Variants in C4BPA observed in about 807,000 individuals in gnomAD.
C4BPA encodes the protein complement component 4 binding protein alpha, also known as C4b-binding protein alpha chain.
Under a neutral mutation model 63.7 loss-of-function variants are expected in C4BPA, and 31 were observed. That is an observed-to-expected ratio of 0.49 (90% confidence interval 0.37 to 0.66). C4BPA has a LOEUF of 0.66. C4BPA is among the 30% of genes least tolerant of loss of function. The pLI is 0.00. For missense variants in C4BPA, 572 were observed against 723.3 expected, an observed-to-expected ratio of 0.79 and a Z score of 2.40; for synonymous variants, 259 against 254.7, an observed-to-expected ratio of 1.02 and a Z score of -0.16.
At chr1:207,139,912 G>A (rs1319957542) in intron 9 of C4BPA, among the ~76,000 whole-genome samples, 2 of 152,006 alleles carry the variant, frequency 1.3e-5, no homozygotes, top group South Asian at 2.1e-4. Context: ...CTTTTTATTG[G>A]GCCAAATGCT....
Position 207,141,206 on chromosome 1 carries a change from C to T in C4BPA, c.1374C>T (p.Tyr458=), listed in dbSNP as rs1685407375. 3 of 1,613,652 alleles carry T rather than the reference C, an allele frequency of 1.9e-6. No individual in the cohort carries two copies. The highest frequency in any genetic ancestry group is 2.5e-6 in the Non-Finnish European group (3 of 1,179,784). Residue 458 remains tyrosine, a synonymous_variant, in exon 10 of 12, where the codon TAC becomes TAT. Coordinates refer to ENST00000367070, the MANE Select transcript of C4BPA (RefSeq NM_000715.4). ...EEIIYECDKG[Y]ILVGQAKLSC... ...TTATATATGAATGTGATAAAGGCTA[C>T]ATTCTGGTCGGACAGGCGAAACTCT...
Position 207,144,789 on chromosome 1 carries a change from C to T in C4BPA, c.*72C>T. The stretch of plus-strand genomic sequence containing the variant: ...TGCAATTCAATACAGATCAGTTTAG[C>T]AAATCTACTGTCAATTTGGCAGTGA... On this transcript the variant is annotated 3_prime_UTR_variant, in exon 12 of 12. Transcript: ENST00000367070. The T allele has an allele frequency of 2.2e-6, 2 of 927,664 alleles. No individual in the cohort carries two copies. The highest frequency in any genetic ancestry group is 3.1e-6 in the Non-Finnish European group (2 of 653,460). 57.5% of individuals were successfully genotyped at this position (927,664 alleles called of 1,614,324 possible).
At chr1:207,144,277 T>A (rs1685483552) in intron 11 of C4BPA, among the ~76,000 whole-genome samples, 1 of 152,166 alleles carries the variant, frequency 6.6e-6, no homozygotes, top group African/African-American at 2.4e-5. Flanking sequence ...CTAAGCTATA[T>A]AATATATTGT....
chr1:207,132,076 C>T (rs1258843465), intron 8 of C4BPA, among the ~76,000 whole-genome samples: 1 of 152,178 alleles, frequency 6.6e-6, no homozygotes, highest in Non-Finnish European at 1.5e-5. Flanking sequence ...CTTCATAGCC[C>T]TTACCTCCCC....
At chr1:207,134,181 G>A (rs913312916) in intron 8 of C4BPA, among the ~76,000 whole-genome samples, 1 of 152,054 alleles carries the variant, frequency 6.6e-6, no homozygotes, top group Non-Finnish European at 1.5e-5. Context: ...TTTCATTTTG[G>A]AGGCTCCTAA....
chr1:207,123,961 C>T lies in C4BPA; in HGVS notation c.468C>T (p.Val156=). The T allele has an allele frequency of 6.2e-7, 1 of 1,611,916 alleles. No homozygotes were observed. The highest frequency in any genetic ancestry group is 1.1e-5 in the South Asian group (1 of 90,784). Residue 156 remains valine, a synonymous_variant, in exon 5 of 12, where the codon GTC becomes GTT. Coordinates refer to ENST00000367070, the MANE Select transcript of C4BPA (RefSeq NM_000715.4). ...GCTCAACCACTAGTCGTTGTGAAGT[C>T]CAAGATAGAGGAGTTGGCTGGAGTC... ...LIGSTTSRCE[V]QDRGVGWSHP... is the part of the protein sequence containing the mutation.
At position 207,114,184 on chromosome 1, in the gene C4BPA, C is replaced by T. The variant is rs778061020; in HGVS notation, c.227C>T (p.Thr76Ile). The T allele has an allele frequency of 2.5e-6, 4 of 1,613,652 alleles. No individual in the cohort carries two copies. In the South Asian group the frequency reaches 3.3e-5, roughly 13 times the overall value. Residue 76 changes from threonine (T) to isoleucine (I), a missense_variant, in exon 3 of 12, where the codon ACT becomes ATT. Thr to Ile is a moderately conservative substitution (Grantham distance 89). Around this residue, in one of 2 missense-constraint regions of C4BPA, gnomAD observed 107 missense variants for 93.9 expected, o/e 1.14. Transcript: ENST00000367070. ...GAGACACGCTTCAAAACTGGAACTA[C>T]TCTGAAATACACCTGCCTCCCTGGC... ...LTETRFKTGT[T>I]LKYTCLPGYV...
At chr1:207,133,606 A>C (rs1685212053) in intron 8 of C4BPA, among the ~76,000 whole-genome samples, 1 of 152,094 alleles carries the variant, frequency 6.6e-6, no homozygotes. Flanking sequence ...CTACCAAAAA[A>C]TTAAAAACTT....
chr1:207,140,921 A>G (rs1239987687), intron 9 of C4BPA, among the ~76,000 whole-genome samples, 185 bp from the exon 10 acceptor site: 1 of 152,192 alleles, frequency 6.6e-6, no homozygotes, highest in Non-Finnish European at 1.5e-5. Flanking sequence ...GAGCCTTTCT[A>G]TGGTTGCCCA....
rs185502949 is a variant in C4BPA, at chr1:207,108,401, C to T, written c.-26+3971C>T. 1.6e-3 allele frequency among the ~76,000 whole-genome samples: 251 copies of T among 152,254 alleles called. 2 individuals carry two copies. The highest frequency in any genetic ancestry group is 0.011 in the Admixed American group (165 of 15,298). On this transcript the variant is annotated intron_variant, in intron 1 of 11. Transcript: ENST00000367070. Reference sequence around the variant, plus strand: ...CAGAGCAATCTCTAAAATCCAGGAACGACTCCTTTGTTAGAAAAAACATTT... The same window carrying T: ...CAGAGCAATCTCTAAAATCCAGGAATGACTCCTTTGTTAGAAAAAACATTT...
chr1:207,134,295 A>G, intron 8 of C4BPA, 109 bp from the exon 9 acceptor site: 1 of 797,820 alleles, frequency 1.3e-6, no homozygotes, highest in South Asian at 1.7e-5. Context: ...CTGTTTCCCC[A>G]ATCTCTCTTC....
At chr1:207,110,516 A>G (rs1314686515) in intron 1 of C4BPA, among the ~76,000 whole-genome samples, 2 of 152,160 alleles carry the variant, frequency 1.3e-5, no homozygotes, top group African/African-American at 4.8e-5. Flanking sequence ...GAGGCCAGGC[A>G]TGGTGGCTTA....
chr1:207,133,719 T>C (rs1685215663), intron 8 of C4BPA, among the ~76,000 whole-genome samples: 1 of 152,220 alleles, frequency 6.6e-6, no homozygotes, highest in African/African-American at 2.4e-5. Flanking sequence ...GCCATAATTG[T>C]GCCCTGTACT....
At chr1:207,115,054 T>C (rs940946534) in intron 3 of C4BPA, among the ~76,000 whole-genome samples, 1 of 152,208 alleles carries the variant, frequency 6.6e-6, no homozygotes, top group Non-Finnish European at 1.5e-5. Context: ...ATCAATACTT[T>C]CTCTTTTTTG....
intron 1 of C4BPA, 132 bp from the exon 2 acceptor site, chr1:207,112,869 A>C (rs2102330598): frequency 1.3e-6 from 1 of 741,478 alleles, no homozygotes; most frequent in East Asian, 2.9e-5. Context: ...ATTTGTGCTC[A>C]GGGGTTTTTT....
Position 207,117,295 on chromosome 1 carries a change from A to T in C4BPA, c.428+1780A>T, listed in dbSNP as rs1344887315. ...GGAGACCTTGTCTCTACAAGAAATT[A>T]AAAACATTAGCCGAGTGTGGTAGCA... On this transcript the variant is annotated intron_variant, in intron 4 of 11. Transcript: ENST00000367070. Among the ~76,000 whole-genome samples the T allele has an allele frequency of 7.2e-5, 11 of 152,216 alleles. No homozygotes were observed. In the East Asian group the frequency reaches 7.7e-4, roughly 11 times the overall value.
At chr1:207,124,687 G>A (rs530927602) in intron 6 of C4BPA, among the ~76,000 whole-genome samples, 17 of 152,288 alleles carry the variant, frequency 1.1e-4, no homozygotes, top group African/African-American at 2.9e-4. Context: ...CAGGGCAGCC[G>A]TAGTCTGTGT....
At chr1:207,122,700 A>T (rs1158059037) in intron 4 of C4BPA, among the ~76,000 whole-genome samples, 1 of 152,102 alleles carries the variant, frequency 6.6e-6, no homozygotes, top group Admixed American at 6.6e-5. Context: ...CAGCCTCTCA[A>T]GTAGCTGGGA....
chr1:207,123,805 C>A, intron 4 of C4BPA, 117 bp from the exon 5 acceptor site: 1 of 639,908 alleles, frequency 1.6e-6, no homozygotes, highest in Non-Finnish European at 2.7e-6. Context: ...AAATGATATC[C>A]AAGAACATAT....
Sources: allele counts gnomAD v4.1 joint callset (sites outside exome capture counted in the v4.1 genomes callset), GRCh38; gene constraint gnomAD v4.1.1; regional missense constraint gnomAD v4.1.1; transcripts MANE v1.5; gene names NCBI Gene and HGNC (gene_info 2026-07-23, HGNC 2026-07-21).